The following PHACTR2 variants were observed in gnomAD, a reference collection of about 807,000 sequenced individuals.
PHACTR2 encodes chromosome 6 open reading frame 56.
PHACTR2 carries 30 observed loss-of-function variants against 76.0 expected under a neutral mutation model. The ratio of observed to expected loss-of-function variants is 0.39; its 90% CI spans 0.30 to 0.54. PHACTR2 has a LOEUF of 0.54. Ranked by LOEUF, PHACTR2 falls within the 20% of genes least tolerant of loss-of-function variation. PHACTR2 has a pLI of 0.61. For synonymous variants in PHACTR2, 292 were observed against 292.5 expected (o/e 1.00, Z 0.02); for missense variants, 696 against 781.1 (o/e 0.89, Z 1.30).
chr6:143,720,847 A>T (rs1409930416), intron 2 of PHACTR2, among the ~76,000 whole-genome samples: 1 of 152,084 alleles, frequency 6.6e-6, no homozygotes, highest in Admixed American at 6.6e-5. Flanking sequence ...TCCTGATCTC[A>T]GGTGATTCTC....
intron 1 of PHACTR2, among the ~76,000 whole-genome samples, chr6:143,586,531 C>G (rs2128433769): frequency 6.6e-6 from 1 of 152,316 alleles, no homozygotes; most frequent in East Asian, 1.9e-4. Context: ...CAGAAGAGAA[C>G]AGCGTTATTG....
intron 1 of PHACTR2, among the ~76,000 whole-genome samples, chr6:143,693,502 T>G (rs928735043): frequency 2.0e-5 from 3 of 152,222 alleles, no homozygotes; most frequent in Non-Finnish European, 2.9e-5. Flanking sequence ...CCTCCCAAAG[T>G]GCTGGGATTA....
At chr6:143,559,016 G>C (rs574737679) in intron 1 of PHACTR2, among the ~76,000 whole-genome samples, 4 of 152,160 alleles carry the variant, frequency 2.6e-5, no homozygotes, top group African/African-American at 9.7e-5. Flanking sequence ...AGATATGGTA[G>C]CTTTTAGCCC....
rs1472806375 is a variant in PHACTR2, at chr6:143,656,616, T to C, written c.13+48294T>C. Among the ~76,000 whole-genome samples, 1 of 152,154 alleles carries C rather than the reference T, an allele frequency of 6.6e-6. No individual in the cohort carries two copies. Among genetic ancestry groups the C allele is most frequent in the Non-Finnish European group, 1.5e-5 (1 of 68,030 alleles). On this transcript the variant is annotated intron_variant, in intron 1 of 11. Coordinates refer to the PHACTR2 transcript ENST00000305766. The surrounding 1 kb of genome is among the most constrained non-coding windows in gnomAD (Gnocchi z 5.3). ...AATGCTAGATGAGGATACAGGTAGA[T>C]GAATGAATATTGTAGTTGAGTAAAT...
Position 143,537,482 on chromosome 6 carries a change from G to C in PHACTR2, c.217+275G>C, listed in dbSNP as rs1366513674. Among the ~76,000 whole-genome samples the C allele has an allele frequency of 6.6e-6, 1 of 152,140 alleles. No homozygotes were observed. The highest frequency in any genetic ancestry group is 1.5e-5 in the Non-Finnish European group (1 of 68,016). Reference sequence around the variant, plus strand: ...TGCAGCCTGGGTTGGGGTAGGGAGCGCTCCCTCTCGGCTGCACGGCGCCAG... The same window carrying C: ...TGCAGCCTGGGTTGGGGTAGGGAGCCCTCCCTCTCGGCTGCACGGCGCCAG... On this transcript the variant is annotated intron_variant, in intron 1 of 11. Transcript: ENST00000367584. The surrounding 1 kb of genome is among the most constrained non-coding windows in gnomAD (Gnocchi z 4.4).
chr6:143,579,770 C>A (rs1293081320), intron 1 of PHACTR2, among the ~76,000 whole-genome samples: 1 of 146,140 alleles, frequency 6.8e-6, no homozygotes, highest in East Asian at 2.0e-4. Context: ...GAAAAACTAC[C>A]CTACAGTGTA....
intron 11 of PHACTR2, among the ~76,000 whole-genome samples, chr6:143,799,024 T>C (rs1775893834): frequency 6.6e-6 from 1 of 152,198 alleles, no homozygotes; most frequent in Non-Finnish European, 1.5e-5. Flanking sequence ...CCTGGACTCT[T>C]TTTGGTTGGT....
At position 143,787,509 on chromosome 6, in the gene PHACTR2, T is replaced by C. The variant is rs1775582229; in HGVS notation, c.1708-1264T>C. On this transcript the variant is annotated intron_variant, in intron 10 of 12. Coordinates refer to ENST00000440869, the MANE Select transcript of PHACTR2 (RefSeq NM_001100164.2). The surrounding 1 kb of genome is among the most constrained non-coding windows in gnomAD (Gnocchi z 4.6). ...GCTCAGGGTATGGGCCTAGGCCTTC[T>C]AAAAGTCCTTGAGTGCTTTGAATAT... Among the ~76,000 whole-genome samples, 1 of 152,226 alleles carries C rather than the reference T, an allele frequency of 6.6e-6. No homozygotes were observed. Among genetic ancestry groups the C allele is most frequent in the African/African-American group, 2.4e-5 (1 of 41,464 alleles).
intron 1 of PHACTR2, among the ~76,000 whole-genome samples, chr6:143,693,609 C>T (rs1197170237): frequency 6.6e-6 from 1 of 152,154 alleles, no homozygotes; most frequent in African/African-American, 2.4e-5. Context: ...ATGTACAAAC[C>T]AGGACTTATT....
chr6:143,684,682 T>C lies in PHACTR2; in HGVS notation c.46+6473T>C, dbSNP rs1370327272. ...GAATATCAGGGTCACTCTTAGCCCA[T>C]AGCCTCGTGAGAATTAGAAGTCACT... On this transcript the variant is annotated intron_variant, in intron 1 of 12. Transcript: ENST00000440869. This position sits in a 1 kb window ranked among gnomAD's most constrained non-coding sequence, Gnocchi z 4.3. 6.6e-6 allele frequency among the ~76,000 whole-genome samples: 1 copy of C among 152,244 alleles called. No individual in the cohort carries two copies. The highest frequency in any genetic ancestry group is 1.5e-5 in the Non-Finnish European group (1 of 68,038).
chr6:143,665,848 G>A (rs13204954), intron 1 of PHACTR2, among the ~76,000 whole-genome samples: 66,197 of 151,996 alleles, frequency 0.44, 14,720 homozygotes, highest in South Asian at 0.59. Flanking sequence ...TATCGCACTC[G>A]TAGTAAAAGC....
rs1776153813 is a variant in PHACTR2, at chr6:143,621,519, A to G, written c.13+13197A>G. Among the ~76,000 whole-genome samples, 1 of 152,204 alleles carries G rather than the reference A, an allele frequency of 6.6e-6. No homozygotes were observed. Among genetic ancestry groups the G allele is most frequent in the East Asian group, 1.9e-4 (1 of 5,198 alleles). On this transcript the variant is annotated intron_variant, in intron 1 of 11. Transcript: ENST00000305766. This position sits in a 1 kb window ranked among gnomAD's most constrained non-coding sequence, Gnocchi z 4.1. ...TTTTGCATGAGAATCATTAAATTGC[A>G]ACTCTTTCTTATATTTAATCACATT...
intron 1 of PHACTR2, among the ~76,000 whole-genome samples, chr6:143,630,918 G>A (rs1289812217): frequency 6.6e-6 from 1 of 152,188 alleles, no homozygotes; most frequent in African/African-American, 2.4e-5. Flanking sequence ...TTAATAACCA[G>A]TGCTTCATGC....
chr6:143,565,938 C>T (rs925813199), intron 1 of PHACTR2, among the ~76,000 whole-genome samples: 5 of 152,054 alleles, frequency 3.3e-5, no homozygotes, highest in African/African-American at 1.2e-4. Context: ...ATTCACTTTG[C>T]TGCTGTGTTG....
chr6:143,728,868 A>G (rs1003345272), intron 2 of PHACTR2, among the ~76,000 whole-genome samples: 1 of 152,162 alleles, frequency 6.6e-6, no homozygotes, highest in Non-Finnish European at 1.5e-5. Context: ...CAGAAGACCT[A>G]AAACTATGAA....
At chr6:143,636,593 A>G (rs1215376110) in intron 1 of PHACTR2, among the ~76,000 whole-genome samples, 1 of 152,228 alleles carries the variant, frequency 6.6e-6, no homozygotes, top group Non-Finnish European at 1.5e-5. Flanking sequence ...CAAATTTAAA[A>G]TAGAAGATAA....
chr6:143,771,638 T>C (rs1335605366), intron 6 of PHACTR2, among the ~76,000 whole-genome samples: 1 of 152,032 alleles, frequency 6.6e-6, no homozygotes, highest in East Asian at 1.9e-4. Context: ...AGGTCCCCTA[T>C]GTTGCCCAGG....
At position 143,678,042 on chromosome 6, in the gene PHACTR2, C is replaced by T. The variant is rs1241957571; in HGVS notation, c.-122C>T. 1 of 1,521,164 alleles carries T rather than the reference C, an allele frequency of 6.6e-7. No individual in the cohort carries two copies. Among genetic ancestry groups the T allele is most frequent in the Non-Finnish European group, 8.8e-7 (1 of 1,131,404 alleles). The allele number at this position is 1,521,164 out of a possible 1,614,324, so 94.2% of individuals were successfully genotyped here. A position where few individuals can be genotyped will look rare whatever the true frequency, so the allele number is the denominator to read the frequency against. ...CCGCGCGGGGTAGAAGGTGAGGGGA[C>T]CCGGCGGGCCGCTCGGCACAGGCCG... On this transcript the variant is annotated 5_prime_UTR_variant, in exon 1 of 13. Transcript: ENST00000440869. This position sits in a 1 kb window ranked among gnomAD's most constrained non-coding sequence, Gnocchi z 6.2.
intron 1 of PHACTR2, among the ~76,000 whole-genome samples, chr6:143,628,012 G>T (rs1360067244): frequency 2.0e-5 from 3 of 152,010 alleles, no homozygotes; most frequent in African/African-American, 7.3e-5. Flanking sequence ...TTACCTATTT[G>T]GGATATTTCT....
Sources: gnomAD v4.1 joint callset for allele counts (sites outside exome capture counted in the v4.1 genomes callset) on GRCh38, gnomAD v4.1.1 for gene constraint, Gnocchi (gnomAD v3.1) non-coding constraint, MANE v1.5 for transcripts, NCBI Gene and HGNC (gene_info 2026-07-23, HGNC 2026-07-21) for gene names.